Variants in CENPP observed in about 807,000 individuals in gnomAD.
CENPP encodes the protein centromere protein P.
In CENPP, 24 loss-of-function variants were observed where a neutral mutation model predicts 35.6. That is an observed-to-expected ratio of 0.67 (90% confidence interval 0.49 to 0.95). The LOEUF is 0.95. Ranked by LOEUF, CENPP falls within the 40% of genes least tolerant of loss-of-function variation. CENPP has a pLI of 0.00. For synonymous variants in CENPP, 120 were observed against 125.5 expected, an observed-to-expected ratio of 0.96 and a Z score of 0.29; for missense variants, 332 against 345.3, an observed-to-expected ratio of 0.96 and a Z score of 0.31.
At chr9:92,552,606 C>T (rs1474622251) in intron 5 of CENPP, among the ~76,000 whole-genome samples, 7 of 152,054 alleles carry the variant, frequency 4.6e-5, no homozygotes, top group South Asian at 2.1e-4. Context: ...TGATGTTGAG[C>T]GTTTTTTCAT....
chr9:92,432,763 A>G (rs963319499), intron 5 of CENPP, among the ~76,000 whole-genome samples: 1 of 152,218 alleles, frequency 6.6e-6, no homozygotes, highest in Non-Finnish European at 1.5e-5. Context: ...AGTACTTAGC[A>G]TTTAGCAGTT....
At chr9:92,566,333 A>C (rs932265045) in intron 5 of CENPP, among the ~76,000 whole-genome samples, 2 of 151,894 alleles carry the variant, frequency 1.3e-5, no homozygotes, top group African/African-American at 2.4e-5. Flanking sequence ...AAAGACATAC[A>C]AAGTAACATA....
chr9:92,447,865 G>A (rs191727038), intron 5 of CENPP, among the ~76,000 whole-genome samples: 1 of 152,182 alleles, frequency 6.6e-6, no homozygotes, highest in Admixed American at 6.5e-5. Context: ...TTATGAGTTC[G>A]AAGGAAATGG....
At chr9:92,448,288 A>G (rs554848578) in intron 5 of CENPP, among the ~76,000 whole-genome samples, 1 of 143,888 alleles carries the variant, frequency 6.9e-6, no homozygotes, top group South Asian at 2.2e-4. Context: ...TTTTTTTTTG[A>G]GAGAGTCTTG....
chr9:92,612,298 T>C (rs1398978039), intron 6 of CENPP, among the ~76,000 whole-genome samples: 1 of 152,248 alleles, frequency 6.6e-6, no homozygotes, highest in Non-Finnish European at 1.5e-5. Context: ...TTCGCTGGTA[T>C]TGGCCTACTA....
chr9:92,381,568 T>C (rs1237127425), intron 5 of CENPP, among the ~76,000 whole-genome samples: 1 of 152,200 alleles, frequency 6.6e-6, no homozygotes, highest in Non-Finnish European at 1.5e-5. Context: ...CCCCCTGCCT[T>C]TTTATTAAGG....
At chr9:92,510,158 C>T in intron 5 of CENPP, 1 of 1,028,552 alleles carries the variant, frequency 9.7e-7, no homozygotes, top group Non-Finnish European at 1.3e-6. Context: ...CAGTAATGTC[C>T]AGGCCACACA....
chr9:92,612,409 T>G (rs1588320802), intron 6 of CENPP, 114 bp from the exon 7 acceptor site: 1 of 768,170 alleles, frequency 1.3e-6, no homozygotes, highest in Non-Finnish European at 2.3e-6. Flanking sequence ...TGGATTGGGG[T>G]TTCTAGCAGG....
chr9:92,391,241 C>CAA (rs770262906), intron 5 of CENPP, among the ~76,000 whole-genome samples: 3 of 129,296 alleles, frequency 2.3e-5, no homozygotes, highest in Non-Finnish European at 3.4e-5. Context: ...CTAAAAATAC[C>CAA]AAAAAAAAAA....
At chr9:92,495,083 C>G (rs1846286073) in intron 5 of CENPP, among the ~76,000 whole-genome samples, 1 of 152,108 alleles carries the variant, frequency 6.6e-6, no homozygotes, top group African/African-American at 2.4e-5. Flanking sequence ...ACATTCTTTT[C>G]TAGTTCTTAT....
chr9:92,455,896 C>T (rs954766903), intron 5 of CENPP, among the ~76,000 whole-genome samples: 1 of 152,108 alleles, frequency 6.6e-6, no homozygotes, highest in Non-Finnish European at 1.5e-5. Context: ...ATGGTGAAAC[C>T]CCGTCTCTAC....
chr9:92,402,784 C>A (rs1843171261), intron 5 of CENPP, among the ~76,000 whole-genome samples: 2 of 152,144 alleles, frequency 1.3e-5, no homozygotes, highest in African/African-American at 4.8e-5. Flanking sequence ...CTATTGATAT[C>A]AAAATAACCA....
At chr9:92,564,388 CA>C (rs776245671) in intron 5 of CENPP, among the ~76,000 whole-genome samples, 102 of 131,206 alleles carry the variant, frequency 7.8e-4, no homozygotes, top group South Asian at 7.1e-4. Flanking sequence ...GACTCTGTCT[CA>C]AAAAAAAAAA....
In CENPP at chr9:92,616,124, TCTCC is replaced by T; in HGVS notation, c.*2978_*2981del. 3.7e-6 allele frequency: 4 copies of T among 1,077,224 alleles called. No individual in the cohort carries two copies. Among genetic ancestry groups the T allele is most frequent in the Middle Eastern group, 2.0e-4 (1 of 4,912 alleles). The allele number at this position is 1,077,224 out of a possible 1,614,324, so 66.7% of individuals were successfully genotyped here. A position where few individuals can be genotyped will look rare whatever the true frequency, so the allele number is the denominator to read the frequency against. On this transcript the variant is annotated 3_prime_UTR_variant, in exon 8 of 8. Coordinates refer to ENST00000375587, the MANE Select transcript of CENPP (RefSeq NM_001012267.3). ...ATTCATTTCCCTCCCTCCCGTTCTC[TCTCC>T]CTTTCTTCTTTCAACTAGTATGTTT... is the stretch of plus-strand genomic sequence containing the variant.
At chr9:92,508,724 A>G (rs1847156670) in intron 5 of CENPP, among the ~76,000 whole-genome samples, 1 of 152,116 alleles carries the variant, frequency 6.6e-6, no homozygotes, top group African/African-American at 2.4e-5. Flanking sequence ...TAATCCTCAG[A>G]TTTGGCAATT....
intron 3 of CENPP, among the ~76,000 whole-genome samples, chr9:92,340,713 T>C (rs1841087384): frequency 6.6e-6 from 1 of 152,220 alleles, no homozygotes; most frequent in African/African-American, 2.4e-5. Flanking sequence ...ATCAATACCC[T>C]TGTGATTTCC....
In CENPP at chr9:92,593,814, A is replaced by T. The variant is rs1436073969; in HGVS notation, c.565-17500A>T. Among the ~76,000 whole-genome samples the T allele has an allele frequency of 1.3e-5, 2 of 152,244 alleles. No homozygotes were observed. Among genetic ancestry groups the T allele is most frequent in the Non-Finnish European group, 2.9e-5 (2 of 68,038 alleles). Reference sequence around the variant, plus strand: ...GTAAAAAATGGGAGCCACTTATTAAAATAACCAAGCATAATAGTTAAACTG... The same window carrying T: ...GTAAAAAATGGGAGCCACTTATTAATATAACCAAGCATAATAGTTAAACTG... On this transcript the variant is annotated intron_variant, in intron 5 of 7. Coordinates refer to ENST00000375587, the MANE Select transcript of CENPP (RefSeq NM_001012267.3). This position sits in a 1 kb window ranked among gnomAD's most constrained non-coding sequence, Gnocchi z 4.1.
intron 4 of CENPP, among the ~76,000 whole-genome samples, chr9:92,369,898 T>A (rs995024028): frequency 1.3e-5 from 2 of 152,216 alleles, no homozygotes; most frequent in Admixed American, 1.3e-4. Flanking sequence ...CTTATTCTAG[T>A]TTCTAGAGGA....
At chr9:92,554,428 C>T (rs1268383580) in intron 5 of CENPP, among the ~76,000 whole-genome samples, 1 of 152,104 alleles carries the variant, frequency 6.6e-6, no homozygotes, top group African/African-American at 2.4e-5. Context: ...GGTGATCCAC[C>T]CGCATCACCC....
Sources: allele counts gnomAD v4.1 joint callset (sites outside exome capture counted in the v4.1 genomes callset), GRCh38; gene constraint gnomAD v4.1.1; non-coding constraint Gnocchi (gnomAD v3.1); transcripts MANE v1.5; gene names NCBI Gene and HGNC (gene_info 2026-07-23, HGNC 2026-07-21).